TRDN: variants seen among roughly 807,000 people sequenced by gnomAD.
The protein encoded by TRDN is triadin in skeletal muscle.
In TRDN, 161 loss-of-function variants were observed where a neutral mutation model predicts 149.7. That is an observed-to-expected ratio of 1.08 (90% CI 0.95 to 1.23). The LOEUF (loss-of-function observed/expected upper bound fraction) is 1.23. Ranked by LOEUF, TRDN falls within the 50% of genes most tolerant of loss-of-function variation. The pLI is 0.00. For missense variants in TRDN, 896 were observed against 823.5 expected (o/e 1.09, Z -1.08); for synonymous variants, 294 against 250.5 (o/e 1.17, Z -1.64).
intron 19 of TRDN, among the ~76,000 whole-genome samples, chr6:123,374,537 G>A (rs1470430743): frequency 6.6e-6 from 1 of 151,982 alleles, no homozygotes; most frequent in East Asian, 1.9e-4. Flanking sequence ...CTCTTGTAAA[G>A]TTCTCAATGT....
chr6:123,533,427 A>T (rs189506461), intron 4 of TRDN, among the ~76,000 whole-genome samples: 4 of 152,206 alleles, frequency 2.6e-5, no homozygotes, highest in Admixed American at 2.6e-4. Context: ...ATCCTGTCAG[A>T]GCCTCCTACT....
chr6:123,519,534 G>A (rs1434157632), intron 5 of TRDN, among the ~76,000 whole-genome samples: 1 of 148,876 alleles, frequency 6.7e-6, no homozygotes, highest in Non-Finnish European at 1.5e-5. Flanking sequence ...ATGGGAGCCA[G>A]GTTATCAGAG....
chr6:123,320,231 A>G (rs1279577713), intron 23 of TRDN, among the ~76,000 whole-genome samples: 1 of 151,656 alleles, frequency 6.6e-6, no homozygotes, highest in Middle Eastern at 3.2e-3. Flanking sequence ...ATTATTTTGC[A>G]CCAATGACAC....
chr6:123,321,569 T>C (rs1779246345), intron 23 of TRDN, among the ~76,000 whole-genome samples: 1 of 152,012 alleles, frequency 6.6e-6, no homozygotes, highest in Non-Finnish European at 1.5e-5. Flanking sequence ...AACTTTGTTG[T>C]GGTCCTAACT....
chr6:123,337,707 A>T (rs1261994412), intron 21 of TRDN, 38 bp from the exon 22 acceptor site: 14 of 1,271,806 alleles, frequency 1.1e-5, no homozygotes, highest in Non-Finnish European at 1.5e-5. Context: ...GTTACAAGGA[A>T]TAAGAGAGGA....
intron 29 of TRDN, 88 bp from the exon 30 acceptor site, chr6:123,271,274 T>G (rs924050705): frequency 2.2e-6 from 2 of 903,596 alleles, no homozygotes; most frequent in Non-Finnish European, 3.2e-6. Flanking sequence ...TCTTTTGAAA[T>G]AGTGCCAATG....
intron 9 of TRDN, among the ~76,000 whole-genome samples, chr6:123,484,057 C>G (rs1777881325): frequency 6.6e-6 from 1 of 151,992 alleles, no homozygotes; most frequent in African/African-American, 2.4e-5. Context: ...TCAGTATAAT[C>G]ATCAATGCTA....
intron 5 of TRDN, among the ~76,000 whole-genome samples, chr6:123,528,347 C>T (rs937279315): frequency 6.6e-6 from 1 of 151,184 alleles, no homozygotes; most frequent in Non-Finnish European, 1.5e-5. Flanking sequence ...GAGTTCCATG[C>T]TTCTAAAACC....
chr6:123,232,411 TA>T (rs1162892827), intron 38 of TRDN, among the ~76,000 whole-genome samples: 2 of 151,980 alleles, frequency 1.3e-5, no homozygotes, highest in African/African-American at 4.8e-5. Flanking sequence ...TGGGGGCAGA[TA>T]TCCAAGCTGC....
chr6:123,225,859 A>C (rs1021366339), intron 38 of TRDN, among the ~76,000 whole-genome samples: 3 of 151,760 alleles, frequency 2.0e-5, no homozygotes, highest in Non-Finnish European at 4.4e-5. Flanking sequence ...AGGCAATTCT[A>C]ATGCAATATA....
At chr6:123,338,580 G>C (rs933711621) in intron 21 of TRDN, among the ~76,000 whole-genome samples, 3 of 152,150 alleles carry the variant, frequency 2.0e-5, no homozygotes, top group African/African-American at 7.2e-5. Context: ...CCCTCTGAGA[G>C]AGCCATCCTT....
chr6:123,314,284 T>C (rs1778943257), intron 24 of TRDN, among the ~76,000 whole-genome samples: 1 of 151,752 alleles, frequency 6.6e-6, no homozygotes, highest in Admixed American at 6.6e-5. Context: ...GAAATGCAAA[T>C]CAAAACCCCA....
intron 38 of TRDN, among the ~76,000 whole-genome samples, chr6:123,225,831 G>A (rs1775337596): frequency 6.6e-6 from 1 of 151,682 alleles, no homozygotes; most frequent in Non-Finnish European, 1.5e-5. Flanking sequence ...GAATAATGTG[G>A]AAGTAATTTT....
intron 24 of TRDN, among the ~76,000 whole-genome samples, chr6:123,289,707 G>T (rs1416783027): frequency 6.6e-6 from 1 of 152,056 alleles, no homozygotes; most frequent in African/African-American, 2.4e-5. Flanking sequence ...GTATAAATAT[G>T]ACTGCAAAAC....
chr6:123,294,593 G>A (rs980350077), intron 24 of TRDN, among the ~76,000 whole-genome samples: 16 of 152,198 alleles, frequency 1.1e-4, no homozygotes, highest in Admixed American at 1.0e-3. Flanking sequence ...TTAACAATAG[G>A]GTTTGCACTC....
At chr6:123,219,936 A>T (rs1775086340) in intron 40 of TRDN, among the ~76,000 whole-genome samples, 1 of 151,822 alleles carries the variant, frequency 6.6e-6, no homozygotes, top group Non-Finnish European at 1.5e-5. Context: ...TGCTTATCAG[A>T]AGTGGACACT....
intron 9 of TRDN, among the ~76,000 whole-genome samples, chr6:123,492,146 A>G (rs1050511675): frequency 6.6e-6 from 1 of 152,162 alleles, no homozygotes; most frequent in Admixed American, 6.5e-5. Flanking sequence ...AGATTCTGAT[A>G]GGTGAGTACC....
chr6:123,313,302 ACT>A (rs1303770851), intron 24 of TRDN, among the ~76,000 whole-genome samples: 2 of 151,680 alleles, frequency 1.3e-5, no homozygotes, highest in Non-Finnish European at 1.5e-5. Flanking sequence ...GCCATCTCAG[ACT>A]CTGCTCAGTT....
chr6:123,265,211 C>T, intron 33 of TRDN, 107 bp downstream of exon 33: 1 of 854,260 alleles, frequency 1.2e-6, no homozygotes, highest in Non-Finnish European at 1.7e-6. Context: ...ATGGCTATTA[C>T]ATTAACAAAC....
Sources: allele counts gnomAD v4.1 joint callset (sites outside exome capture counted in the v4.1 genomes callset), GRCh38; gene constraint gnomAD v4.1.1; transcripts MANE v1.5; gene names NCBI Gene and HGNC (gene_info 2026-07-23, HGNC 2026-07-21).